The following CLVS1 variants were observed in gnomAD, a reference collection of about 807,000 sequenced individuals.
CLVS1 encodes the protein clavesin 1.
In CLVS1, 10 loss-of-function variants were observed where a neutral mutation model predicts 33.1. The observed-to-expected ratio is 0.30, with a 90% CI of 0.19 to 0.51. The LOEUF is 0.51. CLVS1 is among the 20% of genes least tolerant of loss of function. The probability of loss-of-function intolerance (pLI) is 0.97; values close to 1 mark genes in which losing one functional copy is unlikely to be tolerated. For synonymous variants in CLVS1, 163 were observed against 166.1 expected (o/e 0.98, Z 0.14); for missense variants, 343 against 433.4 (o/e 0.79, Z 1.85).
chr8:61,214,590 A>G (rs1808045988), intron 2 of CLVS1, among the ~76,000 whole-genome samples: 1 of 152,194 alleles, frequency 6.6e-6, no homozygotes, highest in South Asian at 2.1e-4. Context: ...CAGAAGAAAC[A>G]AACCTGTTGA....
intron 1 of CLVS1, among the ~76,000 whole-genome samples, chr8:61,120,251 G>T (rs962079132): frequency 1.4e-4 from 20 of 141,818 alleles, no homozygotes; most frequent in African/African-American, 5.4e-4. Context: ...TGTCTGTATT[G>T]GTTATTCTAG....
At chr8:61,170,432 C>G (rs1471441895) in intron 2 of CLVS1, among the ~76,000 whole-genome samples, 1 of 152,118 alleles carries the variant, frequency 6.6e-6, no homozygotes, top group African/African-American at 2.4e-5. Flanking sequence ...TATTTAGATT[C>G]TCAACACTGT....
At chr8:61,149,013 C>G (rs1215097168) in intron 2 of CLVS1, among the ~76,000 whole-genome samples, 4 of 152,152 alleles carry the variant, frequency 2.6e-5, no homozygotes, top group African/African-American at 9.7e-5. Context: ...AAAGCAGCCC[C>G]TCCCAGGCAC....
chr8:61,307,499 G>A (rs1394119372), intron 2 of CLVS1, among the ~76,000 whole-genome samples: 1 of 152,010 alleles, frequency 6.6e-6, no homozygotes, highest in African/African-American at 2.4e-5. Context: ...TCAGACTCAG[G>A]GTTGTAAAGG....
chr8:61,404,117 G>A (rs1188712171), intron 3 of CLVS1, among the ~76,000 whole-genome samples: 1 of 152,156 alleles, frequency 6.6e-6, no homozygotes, highest in African/African-American at 2.4e-5. Flanking sequence ...ATATGGATGG[G>A]TGACTTAGGG....
intron 3 of CLVS1, among the ~76,000 whole-genome samples, chr8:61,389,737 A>T (rs1003593146): frequency 6.6e-6 from 1 of 152,214 alleles, no homozygotes; most frequent in African/African-American, 2.4e-5. Flanking sequence ...GAAGAGTCTC[A>T]GTCATATTCA....
At chr8:61,227,257 G>A (rs181642065) in intron 2 of CLVS1, among the ~76,000 whole-genome samples, 1 of 150,792 alleles carries the variant, frequency 6.6e-6, no homozygotes, top group Admixed American at 6.6e-5. Context: ...CCTTTTGGAT[G>A]TGAGGAATTA....
chr8:61,143,556 A>G (rs1351810597), intron 2 of CLVS1, among the ~76,000 whole-genome samples: 2 of 152,172 alleles, frequency 1.3e-5, no homozygotes, highest in Admixed American at 6.5e-5. Flanking sequence ...ATAATCATGT[A>G]GGACTCCCAT....
chr8:61,211,167 G>A (rs1807963452), intron 2 of CLVS1, among the ~76,000 whole-genome samples: 1 of 152,114 alleles, frequency 6.6e-6, no homozygotes, highest in African/African-American at 2.4e-5. Flanking sequence ...CAGGGGTGGT[G>A]GTGAGAAATG....
At chr8:61,466,931 G>T (rs1015812884) in intron 5 of CLVS1, among the ~76,000 whole-genome samples, 1 of 152,264 alleles carries the variant, frequency 6.6e-6, no homozygotes, top group Non-Finnish European at 1.5e-5. Flanking sequence ...TTATAGGTGT[G>T]AGCCACCGCA....
At chr8:61,197,682 G>A (rs973320096) in intron 2 of CLVS1, among the ~76,000 whole-genome samples, 3 of 152,054 alleles carry the variant, frequency 2.0e-5, no homozygotes, top group Admixed American at 6.6e-5. Flanking sequence ...CCCACACCCC[G>A]CTAATTTTTG....
chr8:61,161,314 G>A (rs1352697620), intron 2 of CLVS1, among the ~76,000 whole-genome samples: 1 of 152,094 alleles, frequency 6.6e-6, no homozygotes, highest in Non-Finnish European at 1.5e-5. Flanking sequence ...TTTACTTCTG[G>A]CTATATCCCA....
intron 2 of CLVS1, among the ~76,000 whole-genome samples, chr8:61,250,621 G>A (rs902145379): frequency 6.6e-6 from 1 of 152,158 alleles, no homozygotes; most frequent in South Asian, 2.1e-4. Flanking sequence ...TCTACTTGAA[G>A]AGGTCCTTCA....
chr8:61,175,844 A>G (rs752865497), intron 2 of CLVS1, among the ~76,000 whole-genome samples: 1 of 152,128 alleles, frequency 6.6e-6, no homozygotes, highest in Non-Finnish European at 1.5e-5. Flanking sequence ...CCCATTTGTG[A>G]TTTGTTACAG....
chr8:61,263,015 T>C (rs1809237797), intron 2 of CLVS1, among the ~76,000 whole-genome samples: 1 of 152,144 alleles, frequency 6.6e-6, no homozygotes, highest in Non-Finnish European at 1.5e-5. Flanking sequence ...GGCAGGAAGA[T>C]GAATGTAATT....
intron 2 of CLVS1, among the ~76,000 whole-genome samples, chr8:61,304,339 C>T (rs1028184519): frequency 3.3e-5 from 5 of 152,232 alleles, no homozygotes; most frequent in African/African-American, 7.2e-5. Flanking sequence ...ACATGGCAAC[C>T]GAGGCATAGG....
chr8:61,185,477 A>G (rs1052110928), intron 2 of CLVS1, among the ~76,000 whole-genome samples: 39 of 152,090 alleles, frequency 2.6e-4, no homozygotes, highest in African/African-American at 9.2e-4. Context: ...TAATGGCTAT[A>G]CTGTATCACG....
At chr8:61,495,726 A>G (rs927891008) in intron 5 of CLVS1, among the ~76,000 whole-genome samples, 1 of 152,242 alleles carries the variant, frequency 6.6e-6, no homozygotes, top group African/African-American at 2.4e-5. Context: ...AGTGCCAGAA[A>G]GGCTAATGCA....
At chr8:61,215,368 T>C (rs1413328516) in intron 2 of CLVS1, among the ~76,000 whole-genome samples, 1 of 152,182 alleles carries the variant, frequency 6.6e-6, no homozygotes, top group African/African-American at 2.4e-5. Context: ...ACATGGTCAG[T>C]GGGAATGTAC....
Sources: allele counts gnomAD v4.1 joint callset (sites outside exome capture counted in the v4.1 genomes callset), GRCh38; gene constraint gnomAD v4.1.1; transcripts MANE v1.5; gene names NCBI Gene and HGNC (gene_info 2026-07-23, HGNC 2026-07-21).